The following ADGRL3 variants were observed in gnomAD, a reference collection of about 807,000 sequenced individuals.
ADGRL3 encodes the protein calcium-independent alpha-latrotoxin receptor 3.
ADGRL3 carries 62 observed loss-of-function variants against 153.5 expected under a neutral mutation model. That is an observed-to-expected ratio of 0.40 (90% CI 0.33 to 0.50). The LOEUF is 0.50. ADGRL3 is among the 20% of genes least tolerant of loss of function. The pLI is 0.47. For missense variants in ADGRL3, 1,641 were observed against 1,859.4 expected, an observed-to-expected ratio of 0.88 and a Z score of 2.16; for synonymous variants, 710 against 672.5, an observed-to-expected ratio of 1.06 and a Z score of -0.86.
At chr4:61,976,028 C>T (rs1184964867) in intron 17 of ADGRL3, among the ~76,000 whole-genome samples, 1 of 152,088 alleles carries the variant, frequency 6.6e-6, no homozygotes, top group Non-Finnish European at 1.5e-5. Flanking sequence ...AGCTCTAAAG[C>T]ATTTAGCCTA....
At chr4:61,756,727 G>C (rs1435669946) in intron 8 of ADGRL3, among the ~76,000 whole-genome samples, 1 of 152,108 alleles carries the variant, frequency 6.6e-6, no homozygotes, top group Non-Finnish European at 1.5e-5. Context: ...TCCAGTTTTT[G>C]CCCATTCAGT....
At chr4:61,975,968 C>A (rs569400379) in intron 17 of ADGRL3, among the ~76,000 whole-genome samples, 13 of 152,158 alleles carry the variant, frequency 8.5e-5, no homozygotes, top group African/African-American at 3.1e-4. Flanking sequence ...TATCAAATAT[C>A]CAAGTGGAGA....
chr4:61,496,757 C>T (rs1337828233), intron 2 of ADGRL3, among the ~76,000 whole-genome samples: 3 of 151,974 alleles, frequency 2.0e-5, no homozygotes, highest in Admixed American at 6.6e-5. Context: ...CTGGCTAACA[C>T]GGTGAAACCC....
intron 4 of ADGRL3, among the ~76,000 whole-genome samples, chr4:61,572,073 G>A (rs2098841294): frequency 6.6e-6 from 1 of 152,070 alleles, no homozygotes; most frequent in Non-Finnish European, 1.5e-5. Flanking sequence ...GTATGTTTTT[G>A]AAGATTTTAA....
intron 5 of ADGRL3, among the ~76,000 whole-genome samples, chr4:61,617,755 T>C (rs907273900): frequency 6.6e-6 from 1 of 152,236 alleles, no homozygotes; most frequent in Non-Finnish European, 1.5e-5. Flanking sequence ...TTGCATTACT[T>C]GAATTCTGAA....
At chr4:61,801,660 A>G (rs186028468) in intron 8 of ADGRL3, among the ~76,000 whole-genome samples, 1 of 152,280 alleles carries the variant, frequency 6.6e-6, no homozygotes, top group East Asian at 1.9e-4. Flanking sequence ...ATAAGGCATC[A>G]ATTGCTCCTT....
At chr4:61,690,412 G>A (rs2095519422) in intron 6 of ADGRL3, among the ~76,000 whole-genome samples, 1 of 151,884 alleles carries the variant, frequency 6.6e-6, no homozygotes, top group South Asian at 2.1e-4. Flanking sequence ...ACCAGCCTAA[G>A]AGAAAGAGCA....
At chr4:61,609,130 G>T (rs1256698981) in intron 5 of ADGRL3, among the ~76,000 whole-genome samples, 1 of 152,046 alleles carries the variant, frequency 6.6e-6, no homozygotes, top group Non-Finnish European at 1.5e-5. Flanking sequence ...CAGGGATAAG[G>T]CAGGAAAATC....
chr4:61,436,821 G>A (rs1205290791), intron 2 of ADGRL3, among the ~76,000 whole-genome samples: 1 of 151,884 alleles, frequency 6.6e-6, no homozygotes, highest in Admixed American at 6.6e-5. Context: ...ATACAGGGTG[G>A]GATCCACAGT....
At chr4:61,951,140 C>A (rs1358140772) in intron 17 of ADGRL3, among the ~76,000 whole-genome samples, 1 of 152,152 alleles carries the variant, frequency 6.6e-6, no homozygotes, top group Non-Finnish European at 1.5e-5. Flanking sequence ...TTAACATCTG[C>A]AGGCTCAGAG....
At chr4:62,025,198 C>A (rs948737437) in intron 21 of ADGRL3, among the ~76,000 whole-genome samples, 1 of 151,900 alleles carries the variant, frequency 6.6e-6, no homozygotes, top group African/African-American at 2.4e-5. Flanking sequence ...ATCCTTAAAC[C>A]ACTGGGTAGC....
At chr4:61,843,160 C>G (rs1430774834) in intron 9 of ADGRL3, among the ~76,000 whole-genome samples, 1 of 152,142 alleles carries the variant, frequency 6.6e-6, no homozygotes, top group African/African-American at 2.4e-5. Context: ...ACTCCTCATA[C>G]TATAAAACTT....
chr4:61,739,366 C>T (rs1009661544), intron 8 of ADGRL3, among the ~76,000 whole-genome samples: 1 of 151,288 alleles, frequency 6.6e-6, no homozygotes, highest in African/African-American at 2.4e-5. Flanking sequence ...GAGTGCAGTG[C>T]CACACAGTCT....
intron 8 of ADGRL3, among the ~76,000 whole-genome samples, chr4:61,738,817 T>C (rs1044543606): frequency 4.6e-5 from 7 of 152,202 alleles, no homozygotes; most frequent in African/African-American, 9.6e-5. Flanking sequence ...ATAGCTATGT[T>C]AAGAAATTAA....
chr4:61,611,247 C>T (rs1478613106), intron 5 of ADGRL3, among the ~76,000 whole-genome samples: 1 of 151,996 alleles, frequency 6.6e-6, no homozygotes, highest in Non-Finnish European at 1.5e-5. Context: ...GCGGAAGAAC[C>T]CTTACAGGTA....
chr4:61,866,557 G>T (rs1198581813), intron 9 of ADGRL3, among the ~76,000 whole-genome samples: 2 of 152,110 alleles, frequency 1.3e-5, no homozygotes, highest in East Asian at 3.9e-4. Flanking sequence ...AAAAGCTCAG[G>T]TGCTATTAGT....
chr4:61,660,163 C>T (rs992564341), intron 5 of ADGRL3, among the ~76,000 whole-genome samples: 2 of 152,192 alleles, frequency 1.3e-5, no homozygotes, highest in Non-Finnish European at 1.5e-5. Flanking sequence ...CGTCTTTCTT[C>T]GTGTATGCAT....
At chr4:61,957,252 A>C (rs1412872119) in intron 17 of ADGRL3, among the ~76,000 whole-genome samples, 1 of 151,996 alleles carries the variant, frequency 6.6e-6, no homozygotes, top group African/African-American at 2.4e-5. Context: ...CATCCTTCAC[A>C]TCCCTTGTTA....
chr4:62,063,685 G>C (rs1741432396), intron 25 of ADGRL3: 4 of 595,278 alleles, frequency 6.7e-6, no homozygotes, highest in Non-Finnish European at 6.1e-6. Flanking sequence ...ATTTTATGTA[G>C]GTTTTATGGG....
Sources: gnomAD v4.1 joint callset for allele counts (sites outside exome capture counted in the v4.1 genomes callset) on GRCh38, gnomAD v4.1.1 for gene constraint, MANE v1.5 for transcripts, NCBI Gene and HGNC (gene_info 2026-07-23, HGNC 2026-07-21) for gene names.